The following PTPRN2 variants were observed in gnomAD, a reference collection of about 807,000 sequenced individuals.
The protein encoded by PTPRN2 is protein tyrosine phosphatase receptor type N2, also known as receptor-type tyrosine-protein phosphatase N2.
In PTPRN2, 74 loss-of-function variants were observed where a neutral mutation model predicts 118.8. The observed-to-expected ratio is 0.62, with a 90% CI of 0.52 to 0.76. PTPRN2 has a LOEUF of 0.76. PTPRN2 is among the 30% of genes least tolerant of loss of function. PTPRN2 has a pLI of 0.00. For missense variants in PTPRN2, 1,481 were observed against 1,394.4 expected (o/e 1.06, Z -0.99); for synonymous variants, 641 against 608.0 (o/e 1.05, Z -0.80).
intron 12 of PTPRN2, among the ~76,000 whole-genome samples, chr7:157,800,909 A>G (rs914297070): frequency 7.3e-5 from 11 of 151,646 alleles, no homozygotes; most frequent in South Asian, 2.1e-4. Flanking sequence ...CCGAGATCGC[A>G]CCACTGCACT....
At chr7:158,231,036 T>C (rs577662193) in intron 3 of PTPRN2, among the ~76,000 whole-genome samples, 3 of 152,224 alleles carry the variant, frequency 2.0e-5, no homozygotes, top group Admixed American at 2.0e-4. Context: ...ACAGGCCAAG[T>C]TGAGAGAATT....
At chr7:158,284,658 C>G (rs874599) in intron 3 of PTPRN2, among the ~76,000 whole-genome samples, 37,071 of 151,986 alleles carry the variant, frequency 0.24, 5,110 homozygotes, top group East Asian at 0.41. Flanking sequence ...GTACGGACTC[C>G]GCTTATTCCT....
chr7:158,318,933 C>G (rs1197245005), intron 2 of PTPRN2, among the ~76,000 whole-genome samples: 1 of 152,214 alleles, frequency 6.6e-6, no homozygotes, highest in Non-Finnish European at 1.5e-5. Flanking sequence ...CCCAGGCAAC[C>G]TCATCAAATC....
chr7:158,289,794 T>C lies in PTPRN2; in HGVS notation c.277+27025A>G, dbSNP rs537465298. On this transcript the variant is annotated intron_variant, in intron 3 of 22. Coordinates refer to ENST00000389418, the MANE Select transcript of PTPRN2 (RefSeq NM_002847.5). Reference sequence around the variant, plus strand: ...GCACATTTTGGGAAGTAGGGACTTATTCTATTCTTTGTAGAATGGCTTCGC... The same window carrying C: ...GCACATTTTGGGAAGTAGGGACTTACTCTATTCTTTGTAGAATGGCTTCGC... 1.4e-4 allele frequency among the ~76,000 whole-genome samples: 21 copies of C among 152,308 alleles called. No homozygotes were observed. In the South Asian group the frequency reaches 3.9e-3, roughly 29 times the overall value.
chr7:158,073,485 C>A (rs192503074), intron 11 of PTPRN2, among the ~76,000 whole-genome samples: 5 of 152,206 alleles, frequency 3.3e-5, no homozygotes, highest in South Asian at 2.1e-4. Context: ...GGTCTCAAAG[C>A]TATGCCCTGC....
chr7:158,432,532 T>C (rs1265317636), intron 2 of PTPRN2, among the ~76,000 whole-genome samples: 1 of 152,244 alleles, frequency 6.6e-6, no homozygotes, highest in East Asian at 1.9e-4. Context: ...TGCAGCCTCC[T>C]GCGAAGGTTT....
Position 157,893,845 on chromosome 7 carries a change from A to G in PTPRN2, c.1788+4828T>C, listed in dbSNP as rs976426414. 1.3e-5 allele frequency among the ~76,000 whole-genome samples: 2 copies of G among 152,180 alleles called. No individual in the cohort carries two copies. The highest frequency in any genetic ancestry group is 4.8e-5 in the African/African-American group (2 of 41,442). On this transcript the variant is annotated intron_variant, in intron 12 of 22. Coordinates refer to ENST00000389418, the MANE Select transcript of PTPRN2 (RefSeq NM_002847.5). This position sits in a 1 kb window ranked among gnomAD's most constrained non-coding sequence, Gnocchi z 4.0. ...AAAGGAGGAGGGAGCCAGGCCCTGG[A>G]GAGTCCAATCTGTAGAACTCACGGA...
intron 1 of PTPRN2, among the ~76,000 whole-genome samples, chr7:158,562,965 C>T (rs565385799): frequency 1.3e-3 from 204 of 152,278 alleles, no homozygotes; most frequent in Middle Eastern, 3.4e-3. Flanking sequence ...TGGCAGAGGC[C>T]GAGAGCGGAG....
In PTPRN2 at chr7:158,359,182, G is replaced by A. The variant is rs557570736; in HGVS notation, c.164-42250C>T. On this transcript the variant is annotated intron_variant, in intron 2 of 22. Transcript: ENST00000389418. ...ACCCCAGAAATCCAAAGTGATTCAC[G>A]CACAGGTGGGAAGACGCTATCAATA... is the stretch of plus-strand genomic sequence containing the variant. Among the ~76,000 whole-genome samples, 48 of 152,320 alleles carry A rather than the reference G, an allele frequency of 3.2e-4. No homozygotes were observed. In the East Asian group the frequency reaches 6.0e-3, roughly 19 times the overall value.
intron 2 of PTPRN2, among the ~76,000 whole-genome samples, chr7:158,443,942 A>T (rs1398730861): frequency 1.3e-5 from 2 of 152,018 alleles, no homozygotes; most frequent in Admixed American, 1.3e-4. Context: ...GCTCACACCC[A>T]TCTCTGGCCT....
At chr7:157,681,704 T>A (rs773732712) in intron 13 of PTPRN2, among the ~76,000 whole-genome samples, 3 of 152,208 alleles carry the variant, frequency 2.0e-5, no homozygotes, top group Non-Finnish European at 4.4e-5. Flanking sequence ...CAGGAGGGTA[T>A]GGTGCTGGAG....
intron 21 of PTPRN2, among the ~76,000 whole-genome samples, chr7:157,553,401 C>T (rs368024957): frequency 6.6e-6 from 1 of 152,088 alleles, no homozygotes; most frequent in Non-Finnish European, 1.5e-5. Context: ...CAGGTGTGGG[C>T]GAGGAAGGGG....
intron 2 of PTPRN2, among the ~76,000 whole-genome samples, chr7:158,477,900 C>A (rs1368033077): frequency 6.6e-6 from 1 of 152,228 alleles, no homozygotes; most frequent in Non-Finnish European, 1.5e-5. Context: ...GCTGCCCCAA[C>A]AGGCAGGAAG....
intron 10 of PTPRN2, among the ~76,000 whole-genome samples, chr7:158,108,811 T>C (rs1815914551): frequency 6.6e-6 from 1 of 152,286 alleles, no homozygotes; most frequent in Non-Finnish European, 1.5e-5. Context: ...AGGGCCCATG[T>C]ATCTCAAAGG....
intron 3 of PTPRN2, among the ~76,000 whole-genome samples, chr7:158,215,187 T>C (rs1164961827): frequency 4.6e-5 from 7 of 152,064 alleles, no homozygotes; most frequent in African/African-American, 1.2e-4. Context: ...AAAAGCCAAA[T>C]TGAAATATTA....
At chr7:157,667,023 A>G (rs1796256) in intron 13 of PTPRN2, among the ~76,000 whole-genome samples, 58,409 of 78,868 alleles carry the variant, frequency 0.74, 21,572 homozygotes, top group East Asian at 0.94. Flanking sequence ...ACACAGCCTG[A>G]CTTGCACACT....
intron 12 of PTPRN2, among the ~76,000 whole-genome samples, chr7:157,841,834 A>T (rs886474465): frequency 6.6e-6 from 1 of 152,112 alleles, no homozygotes; most frequent in Non-Finnish European, 1.5e-5. Flanking sequence ...TCAGGAGAAC[A>T]CCCTGGATTC....
chr7:157,892,577 A>C (rs1796870295), intron 12 of PTPRN2, among the ~76,000 whole-genome samples: 2 of 152,212 alleles, frequency 1.3e-5, no homozygotes, highest in Admixed American at 1.3e-4. Flanking sequence ...AGATTTAGTA[A>C]ATGCTATTAG....
At chr7:158,400,630 G>A (rs1812865670) in intron 2 of PTPRN2, among the ~76,000 whole-genome samples, 2 of 152,082 alleles carry the variant, frequency 1.3e-5, no homozygotes, top group African/African-American at 4.8e-5. Flanking sequence ...GAAAGTGAGG[G>A]GCGCTGGGAG....
Sources: allele counts gnomAD v4.1 joint callset (sites outside exome capture counted in the v4.1 genomes callset), GRCh38; gene constraint gnomAD v4.1.1; non-coding constraint Gnocchi (gnomAD v3.1); transcripts MANE v1.5; gene names NCBI Gene and HGNC (gene_info 2026-07-23, HGNC 2026-07-21).